The following PREX1 variants were observed in gnomAD, a reference collection of about 807,000 sequenced individuals.
The protein encoded by PREX1 is phosphatidylinositol 3,4,5-trisphosphate-dependent Rac exchanger 1 protein.
PREX1 carries 41 observed loss-of-function variants against 198.3 expected under a neutral mutation model. That is an observed-to-expected ratio of 0.21 (90% CI 0.16 to 0.27). The LOEUF is 0.27. Ranked by LOEUF, PREX1 falls within the 10% of genes least tolerant of loss-of-function variation. The probability of loss-of-function intolerance (pLI) is 1.00; values close to 1 mark genes in which losing one functional copy is unlikely to be tolerated. For synonymous variants in PREX1, 843 were observed against 887.2 expected, an observed-to-expected ratio of 0.95 and a Z score of 0.89; for missense variants, 1,620 against 2,200.7, an observed-to-expected ratio of 0.74 and a Z score of 5.28.
At chr20:48,726,195 C>G in intron 5 of PREX1, 95 bp downstream of exon 5, 2 of 1,040,622 alleles carry the variant, frequency 1.9e-6, no homozygotes, top group Non-Finnish European at 2.9e-6. Context: ...AAAGCTGACA[C>G]TGCTGCTAGA....
the PREX1 span, among the ~76,000 whole-genome samples, chr20:48,876,570 G>A: frequency 6.6e-6 from 1 of 151,966 alleles, no homozygotes; most frequent in African/African-American, 2.4e-5. Flanking sequence ...AGGCAGGTAG[G>A]TTTCCCAGTC....
At chr20:48,705,360 A>T (rs146272571) in intron 6 of PREX1, among the ~76,000 whole-genome samples, 3 of 152,340 alleles carry the variant, frequency 2.0e-5, no homozygotes, top group African/African-American at 7.2e-5. Flanking sequence ...CAGGGGGTAA[A>T]AAACACACAT....
intron 4 of PREX1, among the ~76,000 whole-genome samples, chr20:48,733,797 T>C (rs900339120): frequency 6.6e-6 from 1 of 152,090 alleles, no homozygotes; most frequent in African/African-American, 2.4e-5. Flanking sequence ...GTCTCCCAGG[T>C]TGGAGTACAG....
chr20:48,644,607 T>TGGGCGTGCAGCCCAGAGA (rs2089437831), intron 26 of PREX1, 110 bp from the exon 27 acceptor site: 1 of 956,436 alleles, frequency 1.0e-6, no homozygotes, highest in Non-Finnish European at 1.6e-6. Flanking sequence ...GGCCCTCAGG[T>TGGGCGTGCAGCCCAGAGA]GGGCGTGCAG....
chr20:48,646,014 C>A lies in PREX1; in HGVS notation c.3349G>T (p.Asp1117Tyr). 6.2e-7 allele frequency: 1 copy of A among 1,614,140 alleles called. No individual in the cohort carries two copies. Among genetic ancestry groups the A allele is most frequent in the South Asian group, 1.1e-5 (1 of 91,074 alleles). Residue 1117 changes from aspartate to tyrosine, a missense_variant, in exon 26 of 40, where the codon GAC becomes TAC. Asp to Tyr is a radical substitution (Grantham distance 160). Around this residue, in one of 7 missense-constraint regions of PREX1, gnomAD observed 514 missense variants for 611.6 expected, o/e 0.84. Coordinates refer to ENST00000371941, the MANE Select transcript of PREX1 (RefSeq NM_020820.4). ...GAGGCCTCCTCAGCCAAGGATGCGTCGCAGGACCCACCCGAGGTGGGCTCT... is the reference window on the plus strand; with the variant it reads ...GAGGCCTCCTCAGCCAAGGATGCGTAGCAGGACCCACCCGAGGTGGGCTCT... The part of the protein sequence containing the change: ...ITEPTSGGSC[D>Y]ASLAEEASSL...
chr20:48,639,747 A>T lies in PREX1; in HGVS notation c.3904+19T>A. 6.2e-7 allele frequency: 1 copy of T among 1,612,232 alleles called. No individual in the cohort carries two copies. On this transcript the variant is annotated intron_variant, in intron 30 of 39. Transcript: ENST00000371941. ...CATGGCCCCCTCCCCACCATGATGCACCCTCCCTGCCCACCGACCTTCCAC... is the reference window on the plus strand; with the variant it reads ...CATGGCCCCCTCCCCACCATGATGCTCCCTCCCTGCCCACCGACCTTCCAC...
At chr20:48,759,245 G>A (rs1041515059) in intron 1 of PREX1, among the ~76,000 whole-genome samples, 1 of 152,018 alleles carries the variant, frequency 6.6e-6, no homozygotes, top group Admixed American at 6.6e-5. Context: ...CTATTGTGAG[G>A]CTGATATGAA....
intron 1 of PREX1, among the ~76,000 whole-genome samples, chr20:48,817,509 ATT>A (rs1298338705): frequency 1.3e-5 from 2 of 152,188 alleles, no homozygotes; most frequent in Non-Finnish European, 2.9e-5. Flanking sequence ...GTCTCAACAT[ATT>A]TTATAGATGA....
At position 48,738,473 on chromosome 20, in the gene PREX1, G is replaced by A. The variant is rs117436156; in HGVS notation, c.415-3823C>T. Among the ~76,000 whole-genome samples, 434 of 152,316 alleles carry A rather than the reference G, an allele frequency of 2.8e-3. 4 individuals carry two copies. The East Asian group carries it at 0.042, about 15-fold the overall frequency. Reference sequence around the variant, plus strand: ...CACCGTGCCCAGTTCAATCACGCCTGTGTCCTTTCATCCAGCCTGACCCCA... The same window carrying A: ...CACCGTGCCCAGTTCAATCACGCCTATGTCCTTTCATCCAGCCTGACCCCA... On this transcript the variant is annotated intron_variant, in intron 3 of 39. Transcript: ENST00000371941.
chr20:48,816,400 A>G (rs114311478), intron 1 of PREX1, among the ~76,000 whole-genome samples: 2,592 of 152,252 alleles, frequency 0.017, 75 homozygotes, highest in African/African-American at 0.057. Context: ...TGGGACTGTC[A>G]TTGTGACTGG....
rs577464843 is a variant in PREX1 at position 48,704,963 on chromosome 20, C to T, written c.783+3297G>A. On this transcript the variant is annotated intron_variant, in intron 6 of 39. Transcript: ENST00000371941. ...TGTGCCTCTGAGGAGGCGCAGCCCACGCTGGGCACAAGTTCCAGTCAAAGC... is the reference window on the plus strand; with the variant it reads ...TGTGCCTCTGAGGAGGCGCAGCCCATGCTGGGCACAAGTTCCAGTCAAAGC... Among the ~76,000 whole-genome samples, 12 of 152,282 alleles carry T rather than the reference C, an allele frequency of 7.9e-5. 1 individual carries two copies. The highest frequency in any genetic ancestry group is 7.7e-4 in the East Asian group (4 of 5,172).
At chr20:48,649,255 A>T in intron 25 of PREX1, 45 bp downstream of exon 25, 1 of 1,586,550 alleles carries the variant, frequency 6.3e-7, no homozygotes, top group South Asian at 1.1e-5. Context: ...CAGGATTGAG[A>T]ACACCTGCCC....
At chr20:48,719,947 A>G (rs975072853) in intron 5 of PREX1, among the ~76,000 whole-genome samples, 1 of 152,088 alleles carries the variant, frequency 6.6e-6, no homozygotes, top group African/African-American at 2.4e-5. Flanking sequence ...ATGGCCCACA[A>G]GGCCATACCT....
the PREX1 span, among the ~76,000 whole-genome samples, chr20:48,857,876 C>A: frequency 3.1e-3 from 476 of 152,324 alleles, 2 homozygotes; most frequent in African/African-American, 0.011. Context: ...GCTTGAGCAA[C>A]AAGCAGCCAT....
At chr20:48,630,824 G>C in intron 35 of PREX1, 30 bp from the exon 36 acceptor site, 4 of 1,507,184 alleles carry the variant, frequency 2.7e-6, no homozygotes, top group Middle Eastern at 1.8e-4. Flanking sequence ...ATGAGGCGGG[G>C]GCCACCACAC....
intron 14 of PREX1, among the ~76,000 whole-genome samples, chr20:48,672,393 C>A (rs1013533841): frequency 6.6e-5 from 10 of 152,262 alleles, no homozygotes; most frequent in Admixed American, 5.2e-4. Flanking sequence ...CCAGCATCCT[C>A]CCCTGCTGGA....
chr20:48,659,347 G>C (rs916808329), intron 16 of PREX1, among the ~76,000 whole-genome samples: 7 of 148,238 alleles, frequency 4.7e-5, no homozygotes, highest in Non-Finnish European at 9.0e-5. Flanking sequence ...AGGAAGGGAG[G>C]GAAAGAGGAA....
chr20:48,711,036 C>A (rs903145865), intron 5 of PREX1, among the ~76,000 whole-genome samples: 4 of 152,200 alleles, frequency 2.6e-5, no homozygotes, highest in Admixed American at 6.5e-5. Context: ...ACCTTCTCAC[C>A]CTTTAAAGGA....
chr20:48,676,909 G>A (rs1474971470), intron 13 of PREX1, among the ~76,000 whole-genome samples: 1 of 152,244 alleles, frequency 6.6e-6, no homozygotes, highest in Non-Finnish European at 1.5e-5. Context: ...AGAGGCCTGT[G>A]AGTTTCACGG....
Sources: gnomAD v4.1 joint callset for allele counts (sites outside exome capture counted in the v4.1 genomes callset) on GRCh38, gnomAD v4.1.1 for gene constraint, gnomAD v4.1.1 regional missense constraint, MANE v1.5 for transcripts, NCBI Gene and HGNC (gene_info 2026-07-23, HGNC 2026-07-21) for gene names.